The following NBEA variants were observed in gnomAD, a reference collection of about 807,000 sequenced individuals.
NBEA encodes the protein neurobeachin.
A neutral mutation model predicts 343.4 loss-of-function variants in NBEA; 44 were observed. The observed-to-expected ratio is 0.13, with a 90% CI of 0.10 to 0.16. The LOEUF is 0.16. NBEA is among the 10% of genes least tolerant of loss of function. The pLI, the probability that NBEA is intolerant of heterozygous loss-of-function variation, is 1.00. For synonymous variants in NBEA, 1,175 were observed against 1,238.7 expected (o/e 0.95, Z 1.08); for missense variants, 2,555 against 3,631.3 (o/e 0.70, Z 7.62).
chr13:35,038,187 A>G (rs2062520525), intron 1 of NBEA, among the ~76,000 whole-genome samples: 2 of 152,016 alleles, frequency 1.3e-5, no homozygotes, highest in African/African-American at 4.8e-5. Context: ...AGTACCACCG[A>G]CATTCCCTTA....
chr13:35,581,696 A>G (rs1167084162), intron 45 of NBEA, among the ~76,000 whole-genome samples: 1 of 131,374 alleles, frequency 7.6e-6, no homozygotes, highest in Non-Finnish European at 1.5e-5. Flanking sequence ...GAACACATGG[A>G]CACAGGAAGG....
At chr13:35,409,087 A>G (rs1481071622) in intron 38 of NBEA, among the ~76,000 whole-genome samples, 2 of 152,222 alleles carry the variant, frequency 1.3e-5, no homozygotes, top group Non-Finnish European at 1.5e-5. Flanking sequence ...AAGATACGGA[A>G]TCAACCTAAA....
intron 1 of NBEA, among the ~76,000 whole-genome samples, chr13:34,962,732 A>G (rs2059699239): frequency 6.6e-6 from 1 of 152,106 alleles, no homozygotes; most frequent in African/African-American, 2.4e-5. Flanking sequence ...CACTTTCGAC[A>G]GAAATTCCTG....
intron 22 of NBEA, among the ~76,000 whole-genome samples, chr13:35,160,360 C>T (rs2069470179): frequency 6.6e-6 from 1 of 152,050 alleles, no homozygotes; most frequent in Non-Finnish European, 1.5e-5. Flanking sequence ...TCTGTGACTA[C>T]ATTTACACAT....
chr13:35,586,520 A>T (rs567352860), intron 46 of NBEA, among the ~76,000 whole-genome samples: 6 of 152,302 alleles, frequency 3.9e-5, no homozygotes, highest in African/African-American at 1.2e-4. Flanking sequence ...AAGACATAAA[A>T]CTATTTTTAG....
At chr13:35,115,603 G>A (rs1593394110) in intron 13 of NBEA, among the ~76,000 whole-genome samples, 1 of 151,724 alleles carries the variant, frequency 6.6e-6, no homozygotes, top group East Asian at 1.9e-4. Context: ...TATTATTTGG[G>A]GATTTGTTTC....
intron 49 of NBEA, among the ~76,000 whole-genome samples, chr13:35,638,047 T>C (rs2083775638): frequency 1.3e-5 from 2 of 152,142 alleles, no homozygotes; most frequent in African/African-American, 4.8e-5. Flanking sequence ...TCCACTTCTA[T>C]GAGGTATCTT....
At chr13:35,237,381 G>A (rs973158933) in intron 34 of NBEA, among the ~76,000 whole-genome samples, 1 of 152,124 alleles carries the variant, frequency 6.6e-6, no homozygotes, top group Admixed American at 6.5e-5. Context: ...CTCCACCCCA[G>A]CCTGTAGAAA....
At chr13:35,196,415 T>C (rs1383374838) in intron 31 of NBEA, 113 bp downstream of exon 31, 2 of 1,004,012 alleles carry the variant, frequency 2.0e-6, no homozygotes, top group African/African-American at 1.6e-5. Flanking sequence ...AGATTCTTAT[T>C]ACAAAGACAA....
chr13:35,019,294 TTTG>T (rs1413387293), intron 1 of NBEA, among the ~76,000 whole-genome samples: 1 of 151,738 alleles, frequency 6.6e-6, no homozygotes, highest in Non-Finnish European at 1.5e-5. Context: ...TAAATTTTTT[TTTG>T]TTTTTTGTTT....
intron 1 of NBEA, among the ~76,000 whole-genome samples, chr13:35,035,051 C>A (rs944645377): frequency 6.6e-6 from 1 of 151,508 alleles, no homozygotes; most frequent in Non-Finnish European, 1.5e-5. Flanking sequence ...TATTTCTTTT[C>A]TTCTACTAAT....
chr13:35,220,692 G>A (rs778549345), intron 33 of NBEA, among the ~76,000 whole-genome samples: 21 of 151,970 alleles, frequency 1.4e-4, no homozygotes, highest in African/African-American at 4.3e-4. Context: ...GTTTTCAGGC[G>A]CTGTGGATTT....
intron 41 of NBEA, among the ~76,000 whole-genome samples, chr13:35,501,806 C>T (rs755185609): frequency 6.6e-5 from 10 of 152,082 alleles, no homozygotes; most frequent in Non-Finnish European, 1.3e-4. Context: ...CTCGACTCCT[C>T]CTGCAACTGC....
At chr13:35,638,578 C>A (rs192506764) in intron 49 of NBEA, among the ~76,000 whole-genome samples, 2 of 152,172 alleles carry the variant, frequency 1.3e-5, no homozygotes, top group African/African-American at 2.4e-5. Flanking sequence ...TCTATGGAGG[C>A]GCATCTTCCA....
chr13:35,266,895 T>C (rs893447735), intron 34 of NBEA, among the ~76,000 whole-genome samples: 3 of 151,988 alleles, frequency 2.0e-5, no homozygotes, highest in Non-Finnish European at 4.4e-5. Flanking sequence ...TAACTACTAC[T>C]AGCCTTCTAT....
rs2085652676 is a variant in NBEA, at chr13:35,672,534, A to G, written c.*1543A>G. The G allele has an allele frequency of 6.5e-6, 1 of 152,676 alleles. No homozygotes were observed. Among genetic ancestry groups the G allele is most frequent in the African/African-American group, 2.4e-5 (1 of 41,468 alleles). 9.5% of individuals were successfully genotyped at this position (152,676 alleles called of 1,614,324 possible). On this transcript the variant is annotated 3_prime_UTR_variant, in exon 59 of 59. Transcript: ENST00000379939. ...TATTCATCACCAGGCTGTAAGCAAT[A>G]TCTTGAGTTTGTAGCTTAGAATTGG...
intron 35 of NBEA, among the ~76,000 whole-genome samples, chr13:35,302,727 C>G (rs1296434578): frequency 6.6e-6 from 1 of 152,146 alleles, no homozygotes; most frequent in African/African-American, 2.4e-5. Flanking sequence ...TCAATGTTGG[C>G]TAAACTTCTA....
chr13:35,205,303 C>G (rs909256046), intron 31 of NBEA, among the ~76,000 whole-genome samples: 1 of 152,076 alleles, frequency 6.6e-6, no homozygotes, highest in African/African-American at 2.4e-5. Context: ...TCAACTAAAC[C>G]CTTGTAACTT....
At chr13:35,110,001 T>C (rs951017894) in intron 12 of NBEA, among the ~76,000 whole-genome samples, 26 of 150,884 alleles carry the variant, frequency 1.7e-4, no homozygotes, top group African/African-American at 6.3e-4. Flanking sequence ...TTATTAATTA[T>C]TGCCTAAGCC....
Sources: gnomAD v4.1 joint callset for allele counts (sites outside exome capture counted in the v4.1 genomes callset) on GRCh38, gnomAD v4.1.1 for gene constraint, MANE v1.5 for transcripts, NCBI Gene and HGNC (gene_info 2026-07-23, HGNC 2026-07-21) for gene names.